RNF213: variants seen among roughly 807,000 people sequenced by gnomAD.
RNF213 encodes ring finger protein 213.
A neutral mutation model predicts 514.4 loss-of-function variants in RNF213; 341 were observed. The ratio of observed to expected loss-of-function variants is 0.66; its 90% confidence interval spans 0.61 to 0.73. The LOEUF is 0.73. Among genes scored for constraint, RNF213 ranks in the 30% least tolerant of loss-of-function variants. The pLI, the probability that RNF213 is intolerant of heterozygous loss-of-function variation, is 0.00. For synonymous variants in RNF213, 2,655 were observed against 2,658.2 expected (o/e 1.00, Z 0.04); for missense variants, 5,767 against 6,615.6 (o/e 0.87, Z 4.45).
intron 37 of RNF213, 45 bp downstream of exon 37, chr17:80,358,524 C>T: frequency 1.3e-6 from 2 of 1,548,902 alleles, no homozygotes; most frequent in Non-Finnish European, 1.8e-6. Context: ...ACTATCAGAA[C>T]ACAGCAGGAC....
intron 32 of RNF213, chr17:80,352,493 C>T (rs936069924): frequency 2.0e-5 from 10 of 492,454 alleles, no homozygotes; most frequent in South Asian, 3.5e-5. Flanking sequence ...CTCTTTTTTT[C>T]CAAGGAATGG....
chr17:80,325,246 C>A (rs1487443308), intron 18 of RNF213, 48 bp downstream of exon 18: 2 of 1,477,616 alleles, frequency 1.4e-6, no homozygotes, highest in African/African-American at 1.4e-5. Flanking sequence ...AAGGTGGTGT[C>A]TTCCTGATTG....
In RNF213 at chr17:80,371,931, A is replaced by T. The variant is rs1172000872; in HGVS notation, c.12483A>T (p.Ala4161=). ...QEYLTLLKKK[A]FITEDKTELY... ...ATTTGACCCTGTTAAAAAAGAAAGC[A>T]TTCATAACTGAAGATAAAACTGAAC... is the stretch of plus-strand genomic sequence containing the variant. Residue 4161 remains alanine, a synonymous_variant, in exon 47 of 68, where the codon GCA becomes GCT. Coordinates refer to ENST00000582970, the MANE Select transcript of RNF213 (RefSeq NM_001256071.3). 3.1e-6 allele frequency: 5 copies of T among 1,599,530 alleles called. No individual in the cohort carries two copies. In the South Asian group the frequency reaches 5.5e-5, roughly 18 times the overall value.
In RNF213 at chr17:80,376,340, A is replaced by T; in HGVS notation, c.13225A>T (p.Ile4409Phe). 1.2e-6 allele frequency: 2 copies of T among 1,614,200 alleles called. 1 individual carries two copies. The highest frequency in any genetic ancestry group is 2.2e-5 in the South Asian group (2 of 91,084). The change falls in exon 52 of 68, where the codon ATC becomes TTC. Residue 4409 changes from isoleucine to phenylalanine, a missense_variant. Ile to Phe is a conservative substitution (Grantham distance 21). Coordinates refer to ENST00000582970, the MANE Select transcript of RNF213 (RefSeq NM_001256071.3). Reference sequence around the variant, plus strand: ...GAGCAAATTCATTGGCGAATGCAAGATCCTTTCACCTCCTGATATCAGCCG... The same window carrying T: ...GAGCAAATTCATTGGCGAATGCAAGTTCCTTTCACCTCCTGATATCAGCCG... ...AVSKFIGECK[I>F]LSPPDISRFA...
At chr17:80,349,300 C>T (rs2078420556) in intron 29 of RNF213, among the ~76,000 whole-genome samples, 1 of 152,148 alleles carries the variant, frequency 6.6e-6, no homozygotes, top group Non-Finnish European at 1.5e-5. Flanking sequence ...GATTCCTGGG[C>T]TAGAGCAGCA....
In RNF213 at chr17:80,358,492, C is replaced by T; in HGVS notation, c.11054+13C>T. On this transcript the variant is annotated intron_variant, in intron 37 of 67. Coordinates refer to ENST00000582970, the MANE Select transcript of RNF213 (RefSeq NM_001256071.3). ...TGAATAATGAAAGGTGAGTGGAAGG[C>T]TTTCTTTCCCTGGGGAGAGAAACTA... The T allele has an allele frequency of 1.2e-6, 2 of 1,609,346 alleles. No individual in the cohort carries two copies. The highest frequency in any genetic ancestry group is 1.7e-6 in the Non-Finnish European group (2 of 1,175,830).
Position 80,317,766 on chromosome 17 carries a change from G to A in RNF213, c.2901+489G>A, listed in dbSNP as rs114527357. ...TTAGCTCCGCCGTCTATGGACAGTA[G>A]TGTGTTATCAGCTCAGTGGGTCCCT... On this transcript the variant is annotated intron_variant, in intron 16 of 67. Transcript: ENST00000582970. The surrounding 1 kb of genome is among the most constrained non-coding windows in gnomAD (Gnocchi z 4.1). Among the ~76,000 whole-genome samples, 1,822 of 152,274 alleles carry A rather than the reference G, an allele frequency of 0.012. 39 individuals are homozygous for A. Among genetic ancestry groups the A allele is most frequent in the African/African-American group, 0.042 (1,728 of 41,546 alleles).
At position 80,360,101 on chromosome 17, in the gene RNF213, A is replaced by G; in HGVS notation, c.11095A>G (p.Met3699Val). The G allele has an allele frequency of 6.2e-7, 1 of 1,614,216 alleles. No homozygotes were observed. Among genetic ancestry groups the G allele is most frequent in the Non-Finnish European group, 8.5e-7 (1 of 1,180,034 alleles). Residue 3699 changes from methionine (M) to valine (V), a missense_variant, in exon 38 of 68, where the codon ATG becomes GTG. Around this residue, in one of 13 missense-constraint regions of RNF213, gnomAD observed 919 missense variants for 1,121.0 expected, o/e 0.82. Coordinates refer to ENST00000582970, the MANE Select transcript of RNF213 (RefSeq NM_001256071.3). ...EMAYIVVQNHMNLSENASNNV... is the reference protein window; with the variant it reads ...EMAYIVVQNHVNLSENASNNV... ...GGCCTACATCGTGGTGCAGAACCAC[A>G]TGAACCTTTCCGAGAACGCTTCCAA...
At chr17:80,284,754 C>T (rs953513255) in intron 3 of RNF213, among the ~76,000 whole-genome samples, 1 of 152,158 alleles carries the variant, frequency 6.6e-6, no homozygotes, top group Admixed American at 6.5e-5. Flanking sequence ...CCGTTACTCC[C>T]TCGTGCCACA....
At chr17:80,318,833 A>C (rs1465892461) in intron 16 of RNF213, among the ~76,000 whole-genome samples, 1 of 152,094 alleles carries the variant, frequency 6.6e-6, no homozygotes, top group African/African-American at 2.4e-5. Context: ...TCAGCCTCCC[A>C]AAGTGCTGGG....
intron 8 of RNF213, chr17:80,292,112 A>C: frequency 2.1e-6 from 1 of 476,812 alleles, no homozygotes; most frequent in South Asian, 2.0e-5. Flanking sequence ...GTTTTCTGAG[A>C]CAGAGTCTGT....
chr17:80,273,098 G>C (rs1270909305), intron 2 of RNF213, 143 bp from the exon 3 acceptor site: 1 of 1,094,150 alleles, frequency 9.1e-7, no homozygotes, highest in Non-Finnish European at 1.4e-6. Context: ...CCCCTACCCT[G>C]CTCATGTTAG....
At chr17:80,355,106 A>G (rs2078683558) in intron 36 of RNF213, 1 of 436,788 alleles carries the variant, frequency 2.3e-6, no homozygotes, top group South Asian at 1.6e-5. Flanking sequence ...GGCCCCAGAC[A>G]GAGGGTCTCT....
intron 6 of RNF213, among the ~76,000 whole-genome samples, chr17:80,290,188 G>A (rs1418120375): frequency 6.6e-6 from 1 of 152,250 alleles, no homozygotes; most frequent in Non-Finnish European, 1.5e-5. Flanking sequence ...TGGAGGCAGT[G>A]AAGAGAGACC....
chr17:80,350,230 A>G, intron 30 of RNF213, 71 bp from the exon 31 acceptor site: 1 of 973,486 alleles, frequency 1.0e-6, no homozygotes, highest in African/African-American at 1.6e-5. Context: ...GTTTCCCATC[A>G]CTTTGGGGAA....
rs2079814021 is a variant in RNF213, at chr17:80,377,644, T to C, written c.13511-118T>C. ...CTTAACAAATTAGCGTGGGATGCTC[T>C]GGACAGTCATTCTCATATTGTGGTC... is the stretch of plus-strand genomic sequence containing the variant. On this transcript the variant is annotated intron_variant, in intron 53 of 67. Transcript: ENST00000582970. The surrounding 1 kb of genome is among the most constrained non-coding windows in gnomAD (Gnocchi z 4.1). The C allele has an allele frequency of 3.7e-6, 4 of 1,085,638 alleles. No homozygotes were observed. In the South Asian group the frequency reaches 5.0e-5, roughly 14 times the overall value. The allele number at this position is 1,085,638 out of a possible 1,614,324, so 67.3% of individuals were successfully genotyped here.
chr17:80,302,265 G>T (rs145904048), intron 11 of RNF213, among the ~76,000 whole-genome samples: 6 of 152,276 alleles, frequency 3.9e-5, no homozygotes, highest in African/African-American at 1.4e-4. Flanking sequence ...CAAATAGCTG[G>T]AAGAGTGGAG....
chr17:80,307,122 C>A lies in RNF213; in HGVS notation c.2428-6C>A, dbSNP rs1267271733. ...TGTCCTGTTTTTCTTTTTTTCTCTG[C>A]CTTAGGATGTTCAGGATGTTCAGAA... On this transcript the variant is annotated splice_region_variant and splice_polypyrimidine_tract_variant and intron_variant, in intron 12 of 67. Coordinates refer to ENST00000582970, the MANE Select transcript of RNF213 (RefSeq NM_001256071.3). 1 of 1,613,138 alleles carries A rather than the reference C, an allele frequency of 6.2e-7. No individual in the cohort carries two copies. The highest frequency in any genetic ancestry group is 8.5e-7 in the Non-Finnish European group (1 of 1,179,622).
At position 80,353,025 on chromosome 17, in the gene RNF213, C is replaced by T; in HGVS notation, c.10389C>T (p.Ile3463=). Residue 3463 remains isoleucine (I), a synonymous_variant, in exon 33 of 68, where the codon ATC becomes ATT. Transcript: ENST00000582970. This position sits in a 1 kb window ranked among gnomAD's most constrained non-coding sequence, Gnocchi z 5.0. ...SDVTRLQHVT[I]SQLFAPGDLP... is the part of the protein sequence containing the mutation. ...TGACCAGGCTGCAGCATGTCACCAT[C>T]AGCCAGCTGTTCGCGCCCGGAGACT... is the stretch of plus-strand genomic sequence containing the variant. 1 of 1,613,662 alleles carries T rather than the reference C, an allele frequency of 6.2e-7. No individual in the cohort carries two copies. The highest frequency in any genetic ancestry group is 8.5e-7 in the Non-Finnish European group (1 of 1,180,046).
Sources: allele counts gnomAD v4.1 joint callset (sites outside exome capture counted in the v4.1 genomes callset), GRCh38; gene constraint gnomAD v4.1.1; regional missense constraint gnomAD v4.1.1; non-coding constraint Gnocchi (gnomAD v3.1); transcripts MANE v1.5; gene names NCBI Gene and HGNC (gene_info 2026-07-23, HGNC 2026-07-21).